The following ANO10 variants were observed in gnomAD, a reference collection of about 807,000 sequenced individuals.
ANO10 encodes the protein anoctamin-10.
In ANO10, 77 loss-of-function variants were observed where a neutral mutation model predicts 74.7. The ratio of observed to expected loss-of-function variants is 1.03; its 90% CI spans 0.86 to 1.25. The LOEUF is 1.25. ANO10 is among the 50% of genes most tolerant of loss of function. The pLI, the probability that ANO10 is intolerant of heterozygous loss-of-function variation, is 0.00. For missense variants in ANO10, 721 were observed against 778.1 expected, an observed-to-expected ratio of 0.93 and a Z score of 0.87; for synonymous variants, 279 against 284.9, an observed-to-expected ratio of 0.98 and a Z score of 0.21.
chr3:43,435,510 GA>G (rs1224221805), intron 11 of ANO10, among the ~76,000 whole-genome samples: 312 of 120,042 alleles, frequency 2.6e-3, no homozygotes, highest in East Asian at 2.5e-3. Context: ...CTCCATCTCA[GA>G]AAAAAAAAAA....
intron 12 of ANO10, among the ~76,000 whole-genome samples, chr3:43,375,651 A>C (rs906615734): frequency 1.2e-4 from 18 of 152,000 alleles, no homozygotes; most frequent in African/African-American, 4.4e-4. Context: ...CAGGTCTCCT[A>C]CTCTCCTAGC....
chr3:43,565,543 T>TTAA, intron 8 of ANO10, 110 bp downstream of exon 8: 1 of 942,148 alleles, frequency 1.1e-6, no homozygotes, highest in Non-Finnish European at 1.6e-6. Context: ...ACATACAAAA[T>TTAA]TTAAAAGATT....
intron 1 of ANO10, among the ~76,000 whole-genome samples, chr3:43,628,039 G>A (rs2083508897): frequency 6.6e-6 from 1 of 152,036 alleles, no homozygotes; most frequent in South Asian, 2.1e-4. Context: ...GGTGTGCATA[G>A]TAGTTGGTTC....
chr3:43,458,726 G>A (rs1188520735), intron 11 of ANO10, among the ~76,000 whole-genome samples: 1 of 152,086 alleles, frequency 6.6e-6, no homozygotes, highest in Non-Finnish European at 1.5e-5. Context: ...GTGCCATGGT[G>A]GTTTGCTGCA....
At chr3:43,566,125 G>T (rs911443114) in intron 7 of ANO10, among the ~76,000 whole-genome samples, 1 of 152,260 alleles carries the variant, frequency 6.6e-6, no homozygotes, top group African/African-American at 2.4e-5. Context: ...GCGCTTTTCC[G>T]ACGGGCTTAA....
intron 11 of ANO10, among the ~76,000 whole-genome samples, chr3:43,494,765 G>A (rs558991557): frequency 2.0e-5 from 3 of 152,170 alleles, no homozygotes; most frequent in Admixed American, 6.5e-5. Context: ...TTTATTGAAG[G>A]ATATGTAATA....
chr3:43,492,667 T>C (rs556817855), intron 11 of ANO10, among the ~76,000 whole-genome samples: 18 of 152,144 alleles, frequency 1.2e-4, no homozygotes, highest in Non-Finnish European at 2.1e-4. Flanking sequence ...ATTTATGCGG[T>C]GAACAGACAT....
In ANO10 at chr3:43,653,383, A is replaced by G. The variant is rs1055992194; in HGVS notation, c.-12+38134T>C. ...GAAGCACCATGAAACACCTCTTTCC[A>G]ACCACTATATTGGTAAAGATTTGAA... On this transcript the variant is annotated intron_variant, in intron 1 of 3. Transcript: ENST00000413397. 2.6e-5 allele frequency among the ~76,000 whole-genome samples: 4 copies of G among 152,342 alleles called. No individual in the cohort carries two copies. In the East Asian group the frequency reaches 7.7e-4, roughly 29 times the overall value.
chr3:43,455,940 C>T (rs990015991), intron 11 of ANO10, among the ~76,000 whole-genome samples: 2 of 152,082 alleles, frequency 1.3e-5, no homozygotes, highest in Non-Finnish European at 2.9e-5. Context: ...GTTCAATAAA[C>T]AACAGGAGCA....
At position 43,550,957 on chromosome 3, in the gene ANO10, T is replaced by C. The variant is rs956331897; in HGVS notation, c.1669-1109A>G. ...ATTGAATATATACACTCTTTCCTAC[T>C]CCCTTTTCAGCATACTACATACTGT... is the stretch of plus-strand genomic sequence containing the variant. On this transcript the variant is annotated intron_variant, in intron 10 of 12. Transcript: ENST00000292246. Among the ~76,000 whole-genome samples the C allele has an allele frequency of 6.6e-5, 10 of 152,288 alleles. No individual in the cohort carries two copies. The East Asian group carries it at 7.7e-4, about 12-fold the overall frequency.
chr3:43,584,823 G>A (rs2081406239), intron 4 of ANO10, among the ~76,000 whole-genome samples: 3 of 152,112 alleles, frequency 2.0e-5, no homozygotes, highest in Non-Finnish European at 4.4e-5. Context: ...TTACACGCGT[G>A]TGTAAAATGA....
rs762918406 is a variant in ANO10, at chr3:43,549,757, G to T, written c.1760C>A (p.Ser587Ter). 1 of 1,614,012 alleles carries T rather than the reference G, an allele frequency of 6.2e-7. No individual in the cohort carries two copies. Among genetic ancestry groups the T allele is most frequent in the Non-Finnish European group, 8.5e-7 (1 of 1,179,934 alleles). The change falls in exon 11 of 13, where the codon TCA becomes TAA. Residue 587 changes from serine to a stop codon, truncating the protein, a stop_gained. Coordinates refer to ENST00000292246, the MANE Select transcript of ANO10 (RefSeq NM_018075.5). LOFTEE classifies it high-confidence loss of function. ...SPQVNAVFPE[S>*]KADLILIVVA... The stretch of plus-strand genomic sequence containing the variant: ...TACAATCAAAATGAGGTCTGCTTTT[G>T]ATTCTGGAAAGACTGCATTCACTTG...
intron 12 of ANO10, among the ~76,000 whole-genome samples, chr3:43,399,451 G>C (rs146210259): frequency 8.0e-4 from 121 of 152,084 alleles, no homozygotes; most frequent in African/African-American, 2.8e-3. Flanking sequence ...TTTCATTATG[G>C]TGTCTGTCTG....
intron 1 of ANO10, among the ~76,000 whole-genome samples, chr3:43,679,435 C>T (rs1389127531): frequency 6.6e-6 from 1 of 152,206 alleles, no homozygotes; most frequent in Non-Finnish European, 1.5e-5. Context: ...GTAAACAAAG[C>T]AGCTGGGAAG....
chr3:43,600,585 C>T lies in ANO10; in HGVS notation c.140-4G>A, dbSNP rs2082297342. The T allele has an allele frequency of 1.3e-6, 2 of 1,598,032 alleles. No homozygotes were observed. Among genetic ancestry groups the T allele is most frequent in the Admixed American group, 3.3e-5 (2 of 59,928 alleles). ...GGTCTAAACAACAACTGGGCACCTT[C>T]AAAAACAAAAGATAAGCACAATCTT... On this transcript the variant is annotated splice_region_variant and splice_polypyrimidine_tract_variant and intron_variant, in intron 2 of 12. Coordinates refer to ENST00000292246, the MANE Select transcript of ANO10 (RefSeq NM_018075.5).
At chr3:43,455,914 T>A (rs2075104329) in intron 11 of ANO10, among the ~76,000 whole-genome samples, 1 of 152,224 alleles carries the variant, frequency 6.6e-6, no homozygotes, top group Admixed American at 6.5e-5. Flanking sequence ...ATTCCAGCAC[T>A]GCTATTCTAC....
At chr3:43,492,487 A>G (rs1328673419) in intron 11 of ANO10, among the ~76,000 whole-genome samples, 1 of 152,208 alleles carries the variant, frequency 6.6e-6, no homozygotes, top group East Asian at 1.9e-4. Flanking sequence ...ATAAACTATC[A>G]TCAGAGTCAA....
intron 11 of ANO10, among the ~76,000 whole-genome samples, chr3:43,526,786 T>C (rs1470531411): frequency 1.3e-5 from 2 of 152,102 alleles, no homozygotes; most frequent in African/African-American, 2.4e-5. Context: ...AGATAGCCTA[T>C]AAATAATATA....
At chr3:43,457,778 G>A (rs1391165596) in intron 11 of ANO10, among the ~76,000 whole-genome samples, 1 of 152,166 alleles carries the variant, frequency 6.6e-6, no homozygotes, top group East Asian at 1.9e-4. Flanking sequence ...TGAACTGCAA[G>A]GAGGAGATCA....
Sources: allele counts gnomAD v4.1 joint callset (sites outside exome capture counted in the v4.1 genomes callset), GRCh38; gene constraint gnomAD v4.1.1; transcripts MANE v1.5; gene names NCBI Gene and HGNC (gene_info 2026-07-23, HGNC 2026-07-21).